IGF1R: variants seen among roughly 807,000 people sequenced by gnomAD.
IGF1R encodes insulin like growth factor 1 receptor, also known as insulin-like growth factor 1 receptor.
A neutral mutation model predicts 144.6 loss-of-function variants in IGF1R; 44 were observed. The observed-to-expected ratio is 0.30, with a 90% confidence interval of 0.24 to 0.39. The LOEUF is 0.39. Ranked by LOEUF, IGF1R falls within the 10% of genes least tolerant of loss-of-function variation. The pLI is 1.00. For missense variants in IGF1R, 1,355 were observed against 1,833.7 expected (o/e 0.74, Z 4.77); for synonymous variants, 795 against 722.8 (o/e 1.10, Z -1.60).
At chr15:98,695,796 A>G (rs975078218) in intron 1 of IGF1R, among the ~76,000 whole-genome samples, 7 of 152,108 alleles carry the variant, frequency 4.6e-5, no homozygotes, top group Non-Finnish European at 5.9e-5. Context: ...CTCCTCCAGC[A>G]GGGTCATAAA....
At chr15:98,796,981 G>A (rs899048373) in intron 2 of IGF1R, among the ~76,000 whole-genome samples, 5 of 152,188 alleles carry the variant, frequency 3.3e-5, no homozygotes, top group African/African-American at 1.2e-4. Flanking sequence ...GGGGTGCTGA[G>A]CCTGTTCCCC....
chr15:98,952,957 C>CAA (rs1472716818), intron 20 of IGF1R: 2 of 152,152 alleles, frequency 1.3e-5, no homozygotes, highest in Non-Finnish European at 2.9e-5. Context: ...GTCATGTTGT[C>CAA]CTTCTGAGTT....
intron 2 of IGF1R, among the ~76,000 whole-genome samples, chr15:98,713,546 A>G (rs2054046438): frequency 6.6e-6 from 1 of 152,064 alleles, no homozygotes. Flanking sequence ...GATGATGGAG[A>G]AGTATGGAAA....
chr15:98,838,741 AAATAAGCCCGTGGCC>A (rs1428293396), intron 2 of IGF1R, among the ~76,000 whole-genome samples: 5 of 152,214 alleles, frequency 3.3e-5, no homozygotes, highest in African/African-American at 1.2e-4. Flanking sequence ...AAGACAGCTG[AAATAAGCCCGTGGCC>A]AAAAGGCACT....
intron 2 of IGF1R, among the ~76,000 whole-genome samples, chr15:98,799,390 C>T (rs1450749762): frequency 6.6e-6 from 1 of 151,938 alleles, no homozygotes; most frequent in Non-Finnish European, 1.5e-5. Flanking sequence ...ACCCAAACCA[C>T]CCTGGATTCC....
intron 2 of IGF1R, among the ~76,000 whole-genome samples, chr15:98,730,623 C>G (rs2054476622): frequency 6.6e-6 from 1 of 152,170 alleles, no homozygotes; most frequent in South Asian, 2.1e-4. Context: ...TCCTTCATGG[C>G]TACCCCCTGA....
chr15:98,788,161 T>C (rs536986369), intron 2 of IGF1R, among the ~76,000 whole-genome samples: 1 of 152,022 alleles, frequency 6.6e-6, no homozygotes, highest in Non-Finnish European at 1.5e-5. Flanking sequence ...TATGCTATTG[T>C]GTAGGAACAA....
chr15:98,932,546 ATG>A (rs916740408), intron 15 of IGF1R, among the ~76,000 whole-genome samples: 5 of 152,196 alleles, frequency 3.3e-5, no homozygotes, highest in African/African-American at 1.2e-4. Context: ...CAGGGAATGA[ATG>A]TGATTGGTTT....
chr15:98,932,181 A>C (rs758524823), intron 15 of IGF1R, among the ~76,000 whole-genome samples: 4 of 152,180 alleles, frequency 2.6e-5, no homozygotes, highest in African/African-American at 7.2e-5. Flanking sequence ...ACGTCTTGGT[A>C]CTTCATTACA....
At chr15:98,806,489 A>T (rs79331548) in intron 2 of IGF1R, among the ~76,000 whole-genome samples, 5 of 136,512 alleles carry the variant, frequency 3.7e-5, no homozygotes, top group African/African-American at 3.2e-5. Flanking sequence ...TTTCTTGATT[A>T]AAAAAAAAAA....
chr15:98,703,452 T>C (rs2053785483), intron 1 of IGF1R, among the ~76,000 whole-genome samples: 2 of 152,206 alleles, frequency 1.3e-5, no homozygotes, highest in African/African-American at 2.4e-5. Context: ...GGTTTTCTTT[T>C]TCACTGTTTC....
intron 2 of IGF1R, among the ~76,000 whole-genome samples, chr15:98,857,498 C>T (rs544745542): frequency 4.9e-4 from 75 of 152,294 alleles, no homozygotes; most frequent in African/African-American, 1.8e-3. Context: ...GGATTACAGG[C>T]GTGAGCCACC....
At chr15:98,919,199 A>C (rs2015381459) in intron 10 of IGF1R, among the ~76,000 whole-genome samples, 1 of 151,484 alleles carries the variant, frequency 6.6e-6, no homozygotes, top group Non-Finnish European at 1.5e-5. Flanking sequence ...CCACACACCG[A>C]CTCTTTTCCC....
At chr15:98,674,136 TATTTTAAA>T (rs2052969734) in intron 1 of IGF1R, among the ~76,000 whole-genome samples, 1 of 18,848 alleles carries the variant, frequency 5.3e-5, no homozygotes, top group Non-Finnish European at 1.3e-3. Flanking sequence ...GTTTCAGACA[TATTTTAAA>T]ATACTACTAT....
intron 18 of IGF1R, among the ~76,000 whole-genome samples, chr15:98,941,345 C>T (rs760246860): frequency 6.6e-6 from 1 of 152,200 alleles, no homozygotes; most frequent in Admixed American, 6.5e-5. Flanking sequence ...CCCCACTGCG[C>T]GTCACCCTGG....
chr15:98,812,518 G>A (rs968319660), intron 2 of IGF1R, among the ~76,000 whole-genome samples: 4 of 151,838 alleles, frequency 2.6e-5, no homozygotes, highest in Admixed American at 2.0e-4. Flanking sequence ...CACCATGCCC[G>A]GCTAATTTTT....
At chr15:98,789,719 A>G (rs2056086575) in intron 2 of IGF1R, among the ~76,000 whole-genome samples, 1 of 152,196 alleles carries the variant, frequency 6.6e-6, no homozygotes, top group Non-Finnish European at 1.5e-5. Flanking sequence ...AAACAAGCAA[A>G]CAAAATAGGC....
intron 14 of IGF1R, 71 bp downstream of exon 14, chr15:98,929,731 GAT>G: frequency 9.7e-7 from 1 of 1,025,848 alleles, no homozygotes; most frequent in Non-Finnish European, 1.6e-6. Flanking sequence ...GAGTGAAGGT[GAT>G]ATTTTTGAAG....
intron 2 of IGF1R, among the ~76,000 whole-genome samples, chr15:98,765,860 G>A (rs905624512): frequency 1.3e-5 from 2 of 152,188 alleles, no homozygotes; most frequent in South Asian, 4.1e-4. Context: ...AGGTGTCCAT[G>A]GTCCAGCAGG....
Sources: gnomAD v4.1 joint callset for allele counts (sites outside exome capture counted in the v4.1 genomes callset) on GRCh38, gnomAD v4.1.1 for gene constraint, MANE v1.5 for transcripts, NCBI Gene and HGNC (gene_info 2026-07-23, HGNC 2026-07-21) for gene names.